Variants in FAM171A1 observed in about 807,000 individuals in gnomAD.
FAM171A1 encodes family with sequence similarity 171 member A1.
Under a neutral mutation model 74.9 loss-of-function variants are expected in FAM171A1, and 23 were observed. That is an observed-to-expected ratio of 0.31 (90% CI 0.22 to 0.44). FAM171A1 has a LOEUF of 0.44. Ranked by LOEUF, FAM171A1 falls within the 20% of genes least tolerant of loss-of-function variation. The pLI, the probability that FAM171A1 is intolerant of heterozygous loss-of-function variation, is 1.00. For missense variants in FAM171A1, 1,162 were observed against 1,159.2 expected (o/e 1.00, Z -0.03); for synonymous variants, 527 against 505.7 (o/e 1.04, Z -0.57).
intron 7 of FAM171A1, 70 bp from the exon 8 acceptor site, chr10:15,214,671 G>T: frequency 6.7e-7 from 1 of 1,486,720 alleles, no homozygotes; most frequent in Admixed American, 2.4e-5. Context: ...CAAGTTTCAG[G>T]TAAAATCCTA....
At chr10:15,317,435 G>A (rs768176252) in intron 1 of FAM171A1, among the ~76,000 whole-genome samples, 46 of 151,842 alleles carry the variant, frequency 3.0e-4, no homozygotes, top group Non-Finnish European at 5.9e-4. Context: ...TTGCTCTGTT[G>A]CCCAGACTGG....
At chr10:15,305,924 C>A (rs1368101404) in intron 1 of FAM171A1, among the ~76,000 whole-genome samples, 1 of 152,170 alleles carries the variant, frequency 6.6e-6, no homozygotes, top group East Asian at 1.9e-4. Context: ...TAACGCCAAA[C>A]TTCAGATCCT....
chr10:15,213,566 G>T lies in FAM171A1; in HGVS notation c.2022C>A (p.Asn674Lys). 1 of 1,614,182 alleles carries T rather than the reference G, an allele frequency of 6.2e-7. No individual in the cohort carries two copies. Among genetic ancestry groups the T allele is most frequent in the South Asian group, 1.1e-5 (1 of 91,082 alleles). The change falls in exon 8 of 8, where the codon AAC becomes AAA. Residue 674 changes from asparagine (N) to lysine (K), a missense_variant. Coordinates refer to ENST00000378116, the MANE Select transcript of FAM171A1 (RefSeq NM_001010924.2). This position sits in a 1 kb window ranked among gnomAD's most constrained non-coding sequence, Gnocchi z 6.8. ...TGTTCATCTGAGCCAAAGCCGCGTC[G>T]TTCAGGGAAGCTGGGATGGAGAGAG... ...SESLSIPASL[N>K]DAALAQMNSE...
chr10:15,317,423 A>T (rs1835435542), intron 1 of FAM171A1, among the ~76,000 whole-genome samples: 1 of 152,024 alleles, frequency 6.6e-6, no homozygotes, highest in Non-Finnish European at 1.5e-5. Flanking sequence ...CAAGATGGAG[A>T]CTTGCTCTGT....
At chr10:15,358,900 G>C (rs951745181) in intron 1 of FAM171A1, among the ~76,000 whole-genome samples, 8 of 152,152 alleles carry the variant, frequency 5.3e-5, no homozygotes, top group Non-Finnish European at 4.4e-5. Flanking sequence ...CAGCACAGTT[G>C]GGGGGTGAAG....
intron 5 of FAM171A1, among the ~76,000 whole-genome samples, chr10:15,236,285 C>CA (rs369050654): frequency 0.45 from 61,046 of 136,920 alleles, 13,315 homozygotes; most frequent in South Asian, 0.6. Context: ...ATCATGCTTC[C>CA]AAAAAAAAAA....
intron 1 of FAM171A1, among the ~76,000 whole-genome samples, chr10:15,355,629 C>T (rs1835923671): frequency 6.6e-6 from 1 of 152,000 alleles, no homozygotes; most frequent in African/African-American, 2.4e-5. Flanking sequence ...ATTCCTGAAT[C>T]GCTTGAATCC....
intron 1 of FAM171A1, among the ~76,000 whole-genome samples, chr10:15,329,924 T>G (rs1835606731): frequency 6.6e-6 from 1 of 152,222 alleles, no homozygotes; most frequent in African/African-American, 2.4e-5. Flanking sequence ...TTAAGCCACT[T>G]TTAAGTTGTT....
intron 5 of FAM171A1, among the ~76,000 whole-genome samples, chr10:15,224,168 G>A (rs940222873): frequency 6.6e-6 from 1 of 152,146 alleles, no homozygotes; most frequent in Non-Finnish European, 1.5e-5. Context: ...AACAGGCAGG[G>A]GTTGTCAGTG....
intron 1 of FAM171A1, among the ~76,000 whole-genome samples, chr10:15,330,701 T>TTTC (rs200509386): frequency 7.6e-5 from 10 of 131,410 alleles, no homozygotes; most frequent in African/African-American, 2.5e-4. Flanking sequence ...AGCATATTTT[T>TTTC]TTCTTCTTCT....
At chr10:15,331,717 G>T (rs1449182418) in intron 1 of FAM171A1, among the ~76,000 whole-genome samples, 2 of 150,958 alleles carry the variant, frequency 1.3e-5, no homozygotes, top group East Asian at 3.9e-4. Context: ...CCAATTACAG[G>T]ACTGATGTTT....
intron 3 of FAM171A1, among the ~76,000 whole-genome samples, chr10:15,263,749 A>ATCTGTCTGTCTG (rs1233767990): frequency 2.4e-5 from 3 of 124,738 alleles, no homozygotes; most frequent in African/African-American, 2.9e-5. Context: ...CTGTCTATCT[A>ATCTGTCTGTCTG]TCTATCTATC....
intron 5 of FAM171A1, among the ~76,000 whole-genome samples, chr10:15,229,954 T>TCACCATCATCAC (rs1834183700): frequency 2.0e-5 from 3 of 147,650 alleles, no homozygotes; most frequent in Non-Finnish European, 4.5e-5. Flanking sequence ...ATCATCACCA[T>TCACCATCATCAC]CAGGCGTTTC....
chr10:15,270,545 G>C (rs537320147), intron 3 of FAM171A1, among the ~76,000 whole-genome samples: 4 of 152,208 alleles, frequency 2.6e-5, no homozygotes, highest in Non-Finnish European at 5.9e-5. Flanking sequence ...CTCCAGCACA[G>C]AGTTTGAGAT....
intron 1 of FAM171A1, among the ~76,000 whole-genome samples, chr10:15,312,106 G>A (rs1483903018): frequency 6.6e-6 from 1 of 152,198 alleles, no homozygotes; most frequent in Non-Finnish European, 1.5e-5. Context: ...TAAATCTCGT[G>A]CACTTCCTAT....
At chr10:15,346,699 A>G (rs916150714) in intron 1 of FAM171A1, among the ~76,000 whole-genome samples, 2 of 152,188 alleles carry the variant, frequency 1.3e-5, no homozygotes, top group Non-Finnish European at 2.9e-5. Flanking sequence ...TTCAAGAGGT[A>G]TGGGTCCAGC....
At chr10:15,282,680 C>T (rs1443609376) in intron 2 of FAM171A1, among the ~76,000 whole-genome samples, 2 of 152,166 alleles carry the variant, frequency 1.3e-5, no homozygotes, top group African/African-American at 4.8e-5. Flanking sequence ...CAGCATGGAC[C>T]ATGGGAGTGT....
chr10:15,305,664 T>TAAAAAAAAA (rs59843893), intron 1 of FAM171A1, among the ~76,000 whole-genome samples: 4 of 52,932 alleles, frequency 7.6e-5, no homozygotes, highest in African/African-American at 1.5e-4. Flanking sequence ...GAGATCTGGC[T>TAAAAAAAAA]AAAAAAAAAA....
chr10:15,371,101 G>A lies in FAM171A1; in HGVS notation c.-49C>T. 1 of 873,734 alleles carries A rather than the reference G, an allele frequency of 1.1e-6. No individual in the cohort carries two copies. Among genetic ancestry groups the A allele is most frequent in the Middle Eastern group, 5.8e-4 (1 of 1,718 alleles). The allele number at this position is 873,734 out of a possible 1,614,324, so 54.1% of individuals were successfully genotyped here. A position where few individuals can be genotyped will look rare whatever the true frequency, so the allele number is the denominator to read the frequency against. On this transcript the variant is annotated 5_prime_UTR_variant, in exon 1 of 8. Coordinates refer to ENST00000378116, the MANE Select transcript of FAM171A1 (RefSeq NM_001010924.2). Reference sequence around the variant, plus strand: ...CTCGGGCTCGCCGAGAGCGGGCCGGGCGGCGGCGCGTCACGGGCGGCCGGG... The same window carrying A: ...CTCGGGCTCGCCGAGAGCGGGCCGGACGGCGGCGCGTCACGGGCGGCCGGG...
Sources: gnomAD v4.1 joint callset for allele counts (sites outside exome capture counted in the v4.1 genomes callset) on GRCh38, gnomAD v4.1.1 for gene constraint, Gnocchi (gnomAD v3.1) non-coding constraint, MANE v1.5 for transcripts, NCBI Gene and HGNC (gene_info 2026-07-23, HGNC 2026-07-21) for gene names.